The following CACNA2D3 variants were observed in gnomAD, a reference collection of about 807,000 sequenced individuals.
The protein encoded by CACNA2D3 is voltage-dependent calcium channel subunit alpha-2/delta-3.
In CACNA2D3, 60 loss-of-function variants were observed where a neutral mutation model predicts 160.6. The observed-to-expected ratio is 0.37, with a 90% CI of 0.30 to 0.46. The LOEUF is 0.46. Among genes scored for constraint, CACNA2D3 ranks in the 20% least tolerant of loss-of-function variants. CACNA2D3 has a pLI of 1.00. For missense variants in CACNA2D3, 1,205 were observed against 1,365.0 expected (o/e 0.88, Z 1.85); for synonymous variants, 558 against 492.9 (o/e 1.13, Z -1.75).
chr3:54,284,057 A>G (rs1702949809), intron 2 of CACNA2D3, among the ~76,000 whole-genome samples: 1 of 152,158 alleles, frequency 6.6e-6, no homozygotes, highest in Non-Finnish European at 1.5e-5. Flanking sequence ...GTGAGACTCC[A>G]TCTCAAAAAA....
intron 5 of CACNA2D3, among the ~76,000 whole-genome samples, chr3:54,562,177 C>T (rs1702336439): frequency 6.6e-6 from 1 of 152,122 alleles, no homozygotes; most frequent in Admixed American, 6.5e-5. Context: ...TGTTCCTCTA[C>T]AAGAGTTTTG....
chr3:54,772,246 T>G (rs1312379784), intron 13 of CACNA2D3, among the ~76,000 whole-genome samples: 3 of 151,222 alleles, frequency 2.0e-5, no homozygotes, highest in Non-Finnish European at 4.4e-5. Context: ...GAAAAGGAAT[T>G]CCTCTTTGCT....
chr3:55,004,781 C>T lies in CACNA2D3; in HGVS notation c.2709C>T (p.Tyr903=). The change falls in exon 32 of 38, where the codon TAC becomes TAT. Residue 903 remains tyrosine, a synonymous_variant. Coordinates refer to ENST00000474759, the MANE Select transcript of CACNA2D3 (RefSeq NM_018398.3). ...CCTGTAGAATTACCCTTTATGACTA[C>T]CAAGCCATGTGTAGAGCCAACAAGG... The part of the protein sequence containing the change: ...GSFKRITLYD[Y]QAMCRANKES... The T allele has an allele frequency of 6.2e-7, 1 of 1,613,546 alleles. No individual in the cohort carries two copies. The highest frequency in any genetic ancestry group is 1.1e-5 in the South Asian group (1 of 91,070).
At chr3:54,134,289 AG>A (rs1048602712) in intron 2 of CACNA2D3, among the ~76,000 whole-genome samples, 2 of 151,760 alleles carry the variant, frequency 1.3e-5, no homozygotes, top group Admixed American at 1.3e-4. Context: ...GTGAGCGGGG[AG>A]GGGTGAGCAG....
chr3:54,736,846 C>A (rs1429806164), intron 11 of CACNA2D3, among the ~76,000 whole-genome samples: 1 of 152,120 alleles, frequency 6.6e-6, no homozygotes, highest in Non-Finnish European at 1.5e-5. Context: ...GCTGTGTGAC[C>A]TGGGACAGAT....
chr3:54,404,414 A>G (rs768119123), intron 4 of CACNA2D3, among the ~76,000 whole-genome samples: 1 of 152,198 alleles, frequency 6.6e-6, no homozygotes, highest in African/African-American at 2.4e-5. Flanking sequence ...CAGAAAAAGC[A>G]TTCAACAAAG....
At chr3:54,863,179 T>C (rs1427716669) in intron 17 of CACNA2D3, among the ~76,000 whole-genome samples, 1 of 152,204 alleles carries the variant, frequency 6.6e-6, no homozygotes, top group East Asian at 1.9e-4. Context: ...TGCAGCCCTG[T>C]CTGAAATTTA....
intron 2 of CACNA2D3, among the ~76,000 whole-genome samples, chr3:54,236,609 A>G (rs761179984): frequency 6.6e-6 from 1 of 152,198 alleles, no homozygotes; most frequent in Non-Finnish European, 1.5e-5. Flanking sequence ...AGCTCAACAT[A>G]TAAAAACTCT....
intron 2 of CACNA2D3, among the ~76,000 whole-genome samples, chr3:54,157,657 G>A (rs917205199): frequency 6.6e-6 from 1 of 152,134 alleles, no homozygotes; most frequent in Non-Finnish European, 1.5e-5. Flanking sequence ...CGAGCATGGT[G>A]GTGCATGCCT....
rs559068144 is a variant in CACNA2D3 at position 55,067,757 on chromosome 3, C to G, written c.2988-5688C>G. ...CATACATACATACATAAAGACAGAG[C>G]GATAGATATATAAAGAATTTATAGA... On this transcript the variant is annotated intron_variant, in intron 35 of 37. Transcript: ENST00000474759. 2.2e-5 allele frequency among the ~76,000 whole-genome samples: 3 copies of G among 139,490 alleles called. 1 individual carries two copies. Among genetic ancestry groups the G allele is most frequent in the South Asian group, 2.3e-4 (1 of 4,346 alleles). The allele number at this position is 139,490 out of a possible 152,430, so 91.5% of individuals were successfully genotyped here. A position where few individuals can be genotyped will look rare whatever the true frequency, so the allele number is the denominator to read the frequency against.
chr3:54,695,605 A>G (rs1462810403), intron 11 of CACNA2D3, among the ~76,000 whole-genome samples: 4 of 152,164 alleles, frequency 2.6e-5, no homozygotes, highest in African/African-American at 9.7e-5. Flanking sequence ...GTTGCTAGAG[A>G]TGAACTTTTA....
chr3:54,537,390 C>T (rs1262135046), intron 5 of CACNA2D3, among the ~76,000 whole-genome samples: 1 of 152,096 alleles, frequency 6.6e-6, no homozygotes, highest in East Asian at 1.9e-4. Context: ...CGTACCCCGT[C>T]CCTTGCTTGC....
At chr3:54,409,026 C>A (rs977912987) in intron 4 of CACNA2D3, among the ~76,000 whole-genome samples, 32 of 152,128 alleles carry the variant, frequency 2.1e-4, no homozygotes, top group African/African-American at 7.5e-4. Context: ...GTTCTGCAAC[C>A]TTTATTCATT....
At chr3:54,915,179 G>A (rs1322094326) in intron 27 of CACNA2D3, among the ~76,000 whole-genome samples, 1 of 152,108 alleles carries the variant, frequency 6.6e-6, no homozygotes, top group Non-Finnish European at 1.5e-5. Context: ...TCTTCCTGTG[G>A]GGTCAGGGAT....
chr3:54,970,665 G>A (rs2107073469), intron 29 of CACNA2D3, among the ~76,000 whole-genome samples: 1 of 137,304 alleles, frequency 7.3e-6, no homozygotes, highest in East Asian at 2.2e-4. Flanking sequence ...TGGGAGGAGG[G>A]ATTTTAATCC....
chr3:54,342,803 G>A (rs1698381111), intron 3 of CACNA2D3, among the ~76,000 whole-genome samples: 2 of 152,228 alleles, frequency 1.3e-5, no homozygotes, highest in African/African-American at 2.4e-5. Flanking sequence ...TGCAGAGGTG[G>A]CGAGATGCTT....
At chr3:55,073,589 C>T in intron 36 of CACNA2D3, 32 bp downstream of exon 36, 10 of 1,543,298 alleles carry the variant, frequency 6.5e-6, no homozygotes, top group Non-Finnish European at 9.0e-6. Context: ...CACTCACTAC[C>T]ACGGAAACCA....
chr3:54,943,203 T>TAAA (rs34708598), intron 27 of CACNA2D3, among the ~76,000 whole-genome samples: 5,334 of 142,062 alleles, frequency 0.038, 219 homozygotes, highest in African/African-American at 0.096. Context: ...CTATCTCTGG[T>TAAA]AAAAAAAAAA....
intron 3 of CACNA2D3, among the ~76,000 whole-genome samples, chr3:54,362,518 G>A (rs970378097): frequency 2.6e-5 from 4 of 152,186 alleles, no homozygotes; most frequent in African/African-American, 9.7e-5. Context: ...TCCCGGGAGG[G>A]GAGTGTGCAG....
Sources: gnomAD v4.1 joint callset for allele counts (sites outside exome capture counted in the v4.1 genomes callset) on GRCh38, gnomAD v4.1.1 for gene constraint, MANE v1.5 for transcripts, NCBI Gene and HGNC (gene_info 2026-07-23, HGNC 2026-07-21) for gene names.